Variants in RSAD2 observed in about 807,000 individuals in gnomAD.
RSAD2 encodes radical S-adenosyl methionine domain containing 2, also known as S-adenosylmethionine-dependent nucleotide dehydratase RSAD2.
In RSAD2, 38 loss-of-function variants were observed where a neutral mutation model predicts 37.7. The ratio of observed to expected loss-of-function variants is 1.01; its 90% CI spans 0.78 to 1.32. The LOEUF is 1.32. Among genes scored for constraint, RSAD2 ranks in the 40% most tolerant of loss-of-function variants. RSAD2 has a pLI of 0.00. For missense variants in RSAD2, 428 were observed against 437.5 expected, an observed-to-expected ratio of 0.98 and a Z score of 0.19; for synonymous variants, 163 against 157.4, an observed-to-expected ratio of 1.04 and a Z score of -0.27.
chr2:6,882,478 G>C (rs528689694), intron 1 of RSAD2, among the ~76,000 whole-genome samples: 8 of 152,120 alleles, frequency 5.3e-5, no homozygotes, highest in Admixed American at 5.2e-4. Flanking sequence ...CAGGATAGAC[G>C]TAGGAAGGAA....
chr2:6,877,078 A>G (rs978172087), upstream of RSAD2: 3 of 152,208 alleles, frequency 2.0e-5, no homozygotes, highest in Non-Finnish European at 2.9e-5. Flanking sequence ...TAAATAAATG[A>G]TGTGTCGCAG....
chr2:6,884,452 G>T (rs914578945), intron 2 of RSAD2, among the ~76,000 whole-genome samples: 1 of 152,188 alleles, frequency 6.6e-6, no homozygotes, highest in African/African-American at 2.4e-5. Context: ...AGGTTCAAAA[G>T]TGAACTTTGG....
At chr2:6,895,705 A>T in intron 5 of RSAD2, 73 bp from the exon 6 acceptor site, 1 of 1,343,338 alleles carries the variant, frequency 7.4e-7, no homozygotes. Context: ...GCTATTTGGG[A>T]TTAATAGTCT....
chr2:6,875,233 C>T (rs971680008), upstream of RSAD2, among the ~76,000 whole-genome samples: 1 of 152,188 alleles, frequency 6.6e-6, no homozygotes, highest in Non-Finnish European at 1.5e-5. Context: ...TGGACTGGAT[C>T]CTGAGTTCTC....
At chr2:6,877,760 C>T (rs112210460), upstream of RSAD2, 2,228 of 1,498,340 alleles carry the variant, frequency 1.5e-3, 27 homozygotes, top group African/African-American at 0.026. Context: ...AAAGAGAGTC[C>T]CTGGCATACA....
intron 1 of RSAD2, 81 bp from the exon 2 acceptor site, chr2:6,883,290 C>A: frequency 6.9e-7 from 1 of 1,446,216 alleles, no homozygotes; most frequent in Non-Finnish European, 9.5e-7. Flanking sequence ...CTTTTTTTTA[C>A]ATTGAGAAAA....
intron 1 of RSAD2, chr2:6,866,522 C>T (rs536471108): frequency 1.0e-6 from 1 of 977,370 alleles, no homozygotes; most frequent in African/African-American, 1.7e-5. Flanking sequence ...TCGAAATCGC[C>T]TTTCTTCCAC....
At chr2:6,874,963 T>A (rs887612122), upstream of RSAD2, among the ~76,000 whole-genome samples, 1 of 152,228 alleles carries the variant, frequency 6.6e-6, no homozygotes, top group African/African-American at 2.4e-5. Flanking sequence ...ATCACATGCC[T>A]GGCTTCAAGA....
chr2:6,877,909 G>A lies in RSAD2; in HGVS notation c.109G>A (p.Ala37Thr), dbSNP rs767065331. ...SLVPLFCWLR[A>T]TFWLLATKRR... ...GGTCCCGCTGTTCTGCTGGCTGAGG[G>A]CAACCTTCTGGCTGCTAGCTACCAA... is the stretch of plus-strand genomic sequence containing the variant. The change falls in exon 1 of 6, where the codon GCA becomes ACA. Residue 37 changes from alanine to threonine, a missense_variant. Ala to Thr is a moderately conservative substitution (Grantham distance 58, BLOSUM62 0). Coordinates refer to ENST00000382040, the MANE Select transcript of RSAD2 (RefSeq NM_080657.5). 1.9e-6 allele frequency: 3 copies of A among 1,614,092 alleles called. No individual in the cohort carries two copies. The highest frequency in any genetic ancestry group is 2.5e-6 in the Non-Finnish European group (3 of 1,180,002).
At chr2:6,890,521 T>C (rs1438127248) in intron 4 of RSAD2, among the ~76,000 whole-genome samples, 196 bp downstream of exon 4, 1 of 152,136 alleles carries the variant, frequency 6.6e-6, no homozygotes, top group Non-Finnish European at 1.5e-5. Context: ...GCAGGGTCTT[T>C]AGAGAGCTTC....
rs904711483 is a variant in RSAD2, at chr2:6,895,786, T to G, written c.930T>G (p.Phe310Leu). ...SYLILDEYMR[F>L]LNCRKGRKDP... Reference sequence around the variant, plus strand: ...TGTTATGAATTTTCTAGATGCGCTTTCTGAACTGTAGAAAGGGACGGAAGG... The same window carrying G: ...TGTTATGAATTTTCTAGATGCGCTTGCTGAACTGTAGAAAGGGACGGAAGG... Residue 310 changes from phenylalanine to leucine, a missense_variant, in exon 6 of 6, where the codon TTT (phenylalanine) becomes TTG (leucine). By Grantham distance (22) the Phe-to-Leu change is conservative. Coordinates refer to ENST00000382040, the MANE Select transcript of RSAD2 (RefSeq NM_080657.5). 1 of 1,613,100 alleles carries G rather than the reference T, an allele frequency of 6.2e-7. No homozygotes were observed. Among genetic ancestry groups the G allele is most frequent in the Non-Finnish European group, 8.5e-7 (1 of 1,179,484 alleles).
intron 1 of RSAD2, among the ~76,000 whole-genome samples, chr2:6,872,679 C>G (rs1663220700): frequency 6.6e-6 from 1 of 152,088 alleles, no homozygotes; most frequent in African/African-American, 2.4e-5. Context: ...CATCAAAGGT[C>G]TAAGTAAATC....
rs115625492 is a variant in RSAD2, at chr2:6,883,919, C to T, written c.508+387C>T. 5.0e-3 allele frequency: 861 copies of T among 173,720 alleles called. 7 individuals carry two copies. The highest frequency in any genetic ancestry group is 0.019 in the African/African-American group (781 of 41,978). 10.8% of individuals were successfully genotyped at this position (173,720 alleles called of 1,614,324 possible). A position where few individuals can be genotyped will look rare whatever the true frequency, so the allele number is the denominator to read the frequency against. On this transcript the variant is annotated intron_variant, in intron 2 of 5. Coordinates refer to ENST00000382040, the MANE Select transcript of RSAD2 (RefSeq NM_080657.5). ...TCCATGACTAATTTTATCAGAACCT[C>T]GTGGTGTGTGGATTAGCCAAGGTGG...
In RSAD2 at chr2:6,890,793, G is replaced by C. The variant is rs559777665; in HGVS notation, c.888+468G>C. ...ATGTAGAAGAAATGTTTCCCATTTA[G>C]TTTTCTAATGTAATGACAATTGGAT... On this transcript the variant is annotated intron_variant, in intron 4 of 5. Transcript: ENST00000382040. 6.4e-4 allele frequency among the ~76,000 whole-genome samples: 97 copies of C among 152,246 alleles called. 1 individual carries two copies. The highest frequency in any genetic ancestry group is 2.2e-3 in the African/African-American group (90 of 41,534).
intron 1 of RSAD2, among the ~76,000 whole-genome samples, chr2:6,868,829 A>C (rs1050288653): frequency 6.6e-6 from 1 of 152,156 alleles, no homozygotes; most frequent in African/African-American, 2.4e-5. Context: ...AGGAGCCTCA[A>C]ACCATGATTG....
At chr2:6,880,145 GTGTAGGT>G (rs1410583681) in intron 1 of RSAD2, among the ~76,000 whole-genome samples, 2 of 152,158 alleles carry the variant, frequency 1.3e-5, no homozygotes, top group South Asian at 4.1e-4. Flanking sequence ...TTACATGATA[GTGTAGGT>G]TGTATTTTCC....
rs753882420 is a variant in RSAD2, at chr2:6,883,372, T to G, written c.348T>G (p.Gly116=). Residue 116 remains glycine (G), a splice_region_variant and synonymous_variant, in exon 2 of 6, where the codon GGT becomes GGG. Transcript: ENST00000382040. Reference sequence around the variant, plus strand: ...AAATTCATGTATCACCTTGCACAGGTATGGAGAAGATCAACTTTTCAGGTG... The same window carrying G: ...AAATTCATGTATCACCTTGCACAGGGATGGAGAAGATCAACTTTTCAGGTG... ...KRGLLLLKEA[G]MEKINFSGGE... 1 of 1,614,108 alleles carries G rather than the reference T, an allele frequency of 6.2e-7. No homozygotes were observed. Among genetic ancestry groups the G allele is most frequent in the South Asian group, 1.1e-5 (1 of 91,084 alleles).
chr2:6,891,989 T>C (rs1663643514), intron 4 of RSAD2, among the ~76,000 whole-genome samples: 1 of 152,182 alleles, frequency 6.6e-6, no homozygotes. Context: ...TTAATCCTGA[T>C]GTGTAAAAAA....
chr2:6,895,518 A>T (rs1288503867), intron 5 of RSAD2, among the ~76,000 whole-genome samples: 1 of 152,190 alleles, frequency 6.6e-6, no homozygotes, highest in Non-Finnish European at 1.5e-5. Flanking sequence ...GTGGAACTAC[A>T]TCTGCCCATG....
Sources: allele counts gnomAD v4.1 joint callset (sites outside exome capture counted in the v4.1 genomes callset), GRCh38; gene constraint gnomAD v4.1.1; transcripts MANE v1.5; gene names NCBI Gene and HGNC (gene_info 2026-07-23, HGNC 2026-07-21).